Variants in POU2F2 observed in about 807,000 individuals in gnomAD.
POU2F2 encodes POU class 2 homeobox 2.
Under a neutral mutation model 63.5 loss-of-function variants are expected in POU2F2, and 14 were observed. That is an observed-to-expected ratio of 0.22 (90% CI 0.15 to 0.34). POU2F2 has a LOEUF of 0.34. Among genes scored for constraint, POU2F2 ranks in the 10% least tolerant of loss-of-function variants. The pLI, the probability that POU2F2 is intolerant of heterozygous loss-of-function variation, is 1.00. For synonymous variants in POU2F2, 306 were observed against 348.6 expected (o/e 0.88, Z 1.36); for missense variants, 607 against 815.2 (o/e 0.74, Z 3.11).
At chr19:42,149,365 C>T (rs960768442) in intron 2 of POU2F2, among the ~76,000 whole-genome samples, 10 of 152,148 alleles carry the variant, frequency 6.6e-5, no homozygotes, top group African/African-American at 2.4e-4. Flanking sequence ...GCTGATGTTC[C>T]AAGGACCTGA....
At chr19:42,120,885 G>A (rs1029387369) in intron 4 of POU2F2, among the ~76,000 whole-genome samples, 20 of 152,182 alleles carry the variant, frequency 1.3e-4, no homozygotes, top group African/African-American at 4.3e-4. Flanking sequence ...AAATAGTTGC[G>A]CACAGTGGTC....
chr19:42,130,849 A>ACCT lies in POU2F2; in HGVS notation c.28+1532_28+1534dup, dbSNP rs1197486124. Reference sequence around the variant, plus strand: ...TTCAGGGCTCCTACGATCCCCTAATACCTCCCCGTCCTGGCCCAACCCCTC... The same window carrying ACCT: ...TTCAGGGCTCCTACGATCCCCTAATACCTCCTCCCCGTCCTGGCCCAACCCCTC... On this transcript the variant is annotated intron_variant, in intron 1 of 14. Coordinates refer to ENST00000692977, the MANE Select transcript of POU2F2 (RefSeq NM_001394376.1). Among the ~76,000 whole-genome samples, 3 of 147,802 alleles carry ACCT rather than the reference A, an allele frequency of 2.0e-5. No individual in the cohort carries two copies. In the East Asian group the frequency reaches 6.1e-4, roughly 30 times the overall value.
chr19:42,114,600 A>G (rs568212246), intron 5 of POU2F2, among the ~76,000 whole-genome samples: 1 of 152,322 alleles, frequency 6.6e-6, no homozygotes, highest in East Asian at 1.9e-4. Context: ...GGGAGGGGCT[A>G]GAAACCATGT....
intron 1 of POU2F2, among the ~76,000 whole-genome samples, chr19:42,186,575 G>T (rs1436495491): frequency 6.6e-6 from 1 of 151,946 alleles, no homozygotes; most frequent in Admixed American, 6.6e-5. Context: ...CCGCTGATGG[G>T]TTTTCATCAA....
chr19:42,154,502 G>T (rs1452644645), intron 2 of POU2F2, among the ~76,000 whole-genome samples: 1 of 152,050 alleles, frequency 6.6e-6, no homozygotes, highest in African/African-American at 2.4e-5. Context: ...ACACAACAGA[G>T]CAGAAAACCC....
intron 1 of POU2F2, among the ~76,000 whole-genome samples, chr19:42,192,289 C>T (rs1468811247): frequency 1.3e-5 from 2 of 152,094 alleles, no homozygotes; most frequent in African/African-American, 2.4e-5. Context: ...AGGGAGTCAA[C>T]GGATGTCAAC....
chr19:42,153,051 T>C lies in POU2F2; in HGVS notation c.-9+7281A>G, dbSNP rs2034385929. On this transcript the variant is annotated intron_variant, in intron 2 of 6. Coordinates refer to the POU2F2 transcript ENST00000524801. This position sits in a 1 kb window ranked among gnomAD's most constrained non-coding sequence, Gnocchi z 5.6. The stretch of plus-strand genomic sequence containing the variant: ...CCAGAGCTGCTGGCTGCCCCGCCTT[T>C]GGGTCCCTGCGGGTAGAAGTTGCCT... Among the ~76,000 whole-genome samples, 1 of 152,166 alleles carries C rather than the reference T, an allele frequency of 6.6e-6. No individual in the cohort carries two copies. The highest frequency in any genetic ancestry group is 2.1e-4 in the South Asian group (1 of 4,830).
intron 1 of POU2F2, among the ~76,000 whole-genome samples, chr19:42,191,408 A>T (rs1436479914): frequency 1.3e-5 from 2 of 152,190 alleles, no homozygotes; most frequent in African/African-American, 2.4e-5. Flanking sequence ...GCACTCCAGT[A>T]ATACCAATCC....
rs113697394 is a variant in POU2F2 at position 42,117,351 on chromosome 19, G to A, written c.268C>T (p.Pro90Ser). ...GCTGCTGGGGCTGAATCGCCACTGG[G>A]GTCTTCAGCCTTGATCTGGGGGGGA... ...LSPPQIKAED[P>S]SGDSAPAAPL... is the part of the protein sequence containing the mutation. The change falls in exon 5 of 15, where the codon CCC becomes TCC. Residue 90 changes from proline to serine, a missense_variant. Physicochemically the swap from Pro to Ser is moderately conservative, Grantham distance 74 (BLOSUM62 -1). This residue lies in a region of POU2F2 where 224 missense variants were observed against 264.3 expected (regional missense o/e 0.85). Transcript: ENST00000692977. This position sits in a 1 kb window ranked among gnomAD's most constrained non-coding sequence, Gnocchi z 4.4. 1.3e-6 allele frequency: 2 copies of A among 1,533,638 alleles called. No individual in the cohort carries two copies.
intron 1 of POU2F2, among the ~76,000 whole-genome samples, chr19:42,192,526 A>G (rs911811429): frequency 3.3e-5 from 5 of 152,176 alleles, no homozygotes; most frequent in Non-Finnish European, 4.4e-5. Flanking sequence ...GGAAACAGAA[A>G]AGTCTACCTC....
Position 42,095,491 on chromosome 19 carries a change from G to T in POU2F2, c.1021-29C>A, listed in dbSNP as rs781042675. On this transcript the variant is annotated intron_variant, in intron 10 of 14. Transcript: ENST00000692977. This position sits in a 1 kb window ranked among gnomAD's most constrained non-coding sequence, Gnocchi z 7.1. ...CAGGCAGAGGGCTCGTTAGCCCGAG[G>T]CCCACCGCCCGCCACCCCTCAGGTG... 6.2e-7 allele frequency: 1 copy of T among 1,607,064 alleles called. No homozygotes were observed. The highest frequency in any genetic ancestry group is 1.1e-5 in the South Asian group (1 of 90,596).
chr19:42,184,152 T>C (rs1349955240), intron 1 of POU2F2, among the ~76,000 whole-genome samples: 1 of 151,980 alleles, frequency 6.6e-6, no homozygotes, highest in Non-Finnish European at 1.5e-5. Flanking sequence ...CACCACAACC[T>C]GCTAATTTTT....
At chr19:42,116,446 G>A (rs2031869037) in intron 5 of POU2F2, among the ~76,000 whole-genome samples, 2 of 152,082 alleles carry the variant, frequency 1.3e-5, no homozygotes, top group Admixed American at 6.5e-5. Context: ...AACTCCCAGC[G>A]AGATGCACAG....
At chr19:42,183,987 G>A (rs1170510437) in intron 1 of POU2F2, among the ~76,000 whole-genome samples, 1 of 149,614 alleles carries the variant, frequency 6.7e-6, no homozygotes, top group Non-Finnish European at 1.5e-5. Flanking sequence ...TATGAGACAC[G>A]ACTGGGGATT....
At chr19:42,127,597 G>A (rs1030869354) in intron 1 of POU2F2, among the ~76,000 whole-genome samples, 1 of 151,900 alleles carries the variant, frequency 6.6e-6, no homozygotes, top group Non-Finnish European at 1.5e-5. Flanking sequence ...TAGCCAGGAT[G>A]GTCTCAATCT....
At chr19:42,184,270 G>T (rs1328694570) in intron 1 of POU2F2, among the ~76,000 whole-genome samples, 1 of 152,110 alleles carries the variant, frequency 6.6e-6, no homozygotes, top group African/African-American at 2.4e-5. Context: ...AAGATTACAG[G>T]CATGAGCCAC....
chr19:42,116,616 A>G (rs1209723411), intron 5 of POU2F2: 6 of 237,400 alleles, frequency 2.5e-5, no homozygotes, highest in Non-Finnish European at 4.2e-5. Flanking sequence ...TGGTCAGAAC[A>G]GTCCATGTGG....
upstream of POU2F2, among the ~76,000 whole-genome samples, chr19:42,197,110 C>G (rs1449257650): frequency 6.6e-6 from 1 of 152,190 alleles, no homozygotes; most frequent in Non-Finnish European, 1.5e-5. Flanking sequence ...GTAACCCCAC[C>G]TAGAGGAGAG....
Position 42,092,060 on chromosome 19 carries a change from C to G in POU2F2, c.1466+9G>C. On this transcript the variant is annotated intron_variant, in intron 13 of 14. Transcript: ENST00000692977. The surrounding 1 kb of genome is among the most constrained non-coding windows in gnomAD (Gnocchi z 5.0). ...TTCTCCCCACAGCTTCCCACGTGCA[C>G]CCACTTACCCCGTGCTGGGGTTCAG... The G allele has an allele frequency of 6.3e-7, 1 of 1,593,828 alleles. No individual in the cohort carries two copies. The highest frequency in any genetic ancestry group is 8.5e-7 in the Non-Finnish European group (1 of 1,171,430).
Sources: gnomAD v4.1 joint callset for allele counts (sites outside exome capture counted in the v4.1 genomes callset) on GRCh38, gnomAD v4.1.1 for gene constraint, gnomAD v4.1.1 regional missense constraint, Gnocchi (gnomAD v3.1) non-coding constraint, MANE v1.5 for transcripts, NCBI Gene and HGNC (gene_info 2026-07-23, HGNC 2026-07-21) for gene names.